Variants in SHOC2 observed in about 807,000 individuals in gnomAD.
SHOC2 encodes the protein SHOC2 leucine rich repeat scaffold protein, also known as leucine-rich repeat protein SHOC-2.
In SHOC2, 4 loss-of-function variants were observed where a neutral mutation model predicts 50.2. That is an observed-to-expected ratio of 0.08 (90% CI 0.04 to 0.18). The LOEUF (loss-of-function observed/expected upper bound fraction) is 0.18. Among genes scored for constraint, SHOC2 ranks in the 10% least tolerant of loss-of-function variants. The pLI is 1.00. For synonymous variants in SHOC2, 218 were observed against 244.5 expected, an observed-to-expected ratio of 0.89 and a Z score of 1.01; for missense variants, 388 against 669.6, an observed-to-expected ratio of 0.58 and a Z score of 4.64.
At chr10:111,006,802 T>C (rs572733781) in intron 5 of SHOC2, among the ~76,000 whole-genome samples, 12 of 152,330 alleles carry the variant, frequency 7.9e-5, no homozygotes, top group African/African-American at 2.6e-4. Flanking sequence ...CCTCTCCCAA[T>C]ACCAATACCC....
chr10:110,998,445 G>A (rs1848309192), intron 3 of SHOC2, among the ~76,000 whole-genome samples: 1 of 152,018 alleles, frequency 6.6e-6, no homozygotes, highest in Non-Finnish European at 1.5e-5. Context: ...CACTGATGAA[G>A]TCACTAAGTG....
chr10:110,924,247 G>GT (rs1276177252), intron 1 of SHOC2, among the ~76,000 whole-genome samples: 1 of 152,186 alleles, frequency 6.6e-6, no homozygotes, highest in Non-Finnish European at 1.5e-5. Context: ...TAAGTTCAGA[G>GT]TTTGTTGCAT....
In SHOC2 at chr10:110,932,729, C is replaced by G. The variant is rs573947458; in HGVS notation, c.-235+13072C>G. Among the ~76,000 whole-genome samples, 45 of 152,298 alleles carry G rather than the reference C, an allele frequency of 3.0e-4. No homozygotes were observed. In the East Asian group the frequency reaches 7.3e-3, roughly 25 times the overall value. ...GCCTTCCCTTTGTGCTTCAACAGCA[C>G]TTACTCGACTTTTTTCTTGCTTTAC... On this transcript the variant is annotated intron_variant, in intron 1 of 8. Transcript: ENST00000369452.
intron 1 of SHOC2, among the ~76,000 whole-genome samples, chr10:110,947,974 A>T (rs1453844065): frequency 6.6e-6 from 1 of 152,184 alleles, no homozygotes; most frequent in Non-Finnish European, 1.5e-5. Flanking sequence ...TATTATGCCT[A>T]AAAGAGATTC....
At chr10:110,932,618 C>A (rs74813760) in intron 1 of SHOC2, among the ~76,000 whole-genome samples, 3,670 of 152,248 alleles carry the variant, frequency 0.024, 152 homozygotes, top group African/African-American at 0.085. Flanking sequence ...AGCCCCCTTT[C>A]ACCTTTTTTG....
At chr10:110,989,085 G>C in intron 3 of SHOC2, 1 of 485,224 alleles carries the variant, frequency 2.1e-6, no homozygotes, top group Non-Finnish European at 4.0e-6. Flanking sequence ...TACCTCCATT[G>C]TGGTCAAGAA....
Position 110,965,079 on chromosome 10 carries a change from A to G in SHOC2, c.703+18A>G, listed in dbSNP as rs1847647939. On this transcript the variant is annotated intron_variant, in intron 2 of 8. Coordinates refer to ENST00000369452, the MANE Select transcript of SHOC2 (RefSeq NM_007373.4). ...TGAAATTGGTAAGAGGCCTTGGATT[A>G]TTATTATTTGTAGTATTTGTTATGC... 6.2e-7 allele frequency: 1 copy of G among 1,602,912 alleles called. No homozygotes were observed.
At chr10:110,941,277 A>G (rs1188602069) in intron 1 of SHOC2, among the ~76,000 whole-genome samples, 2 of 151,398 alleles carry the variant, frequency 1.3e-5, no homozygotes, top group African/African-American at 2.4e-5. Flanking sequence ...TTCTTCCGTG[A>G]AATGTCTGCC....
chr10:111,005,644 C>A (rs146648060), intron 5 of SHOC2, among the ~76,000 whole-genome samples: 1 of 152,072 alleles, frequency 6.6e-6, no homozygotes, highest in African/African-American at 2.4e-5. Context: ...TATGGGTGAA[C>A]GTTAGTTTCC....
At chr10:110,969,600 T>G (rs186773844) in intron 2 of SHOC2, among the ~76,000 whole-genome samples, 34 of 152,324 alleles carry the variant, frequency 2.2e-4, no homozygotes, top group African/African-American at 7.9e-4. Context: ...TCCTGTGATT[T>G]CTTTTCTCTC....
intron 2 of SHOC2, among the ~76,000 whole-genome samples, chr10:110,984,722 A>G (rs1848045379): frequency 1.3e-5 from 2 of 152,194 alleles, no homozygotes; most frequent in Non-Finnish European, 2.9e-5. Flanking sequence ...GCCAATACAG[A>G]GCTTTCAACC....
intron 1 of SHOC2, among the ~76,000 whole-genome samples, chr10:110,939,594 G>T (rs1386317654): frequency 6.6e-6 from 1 of 152,190 alleles, no homozygotes; most frequent in Admixed American, 6.5e-5. Context: ...ATGTTAGATT[G>T]ATGTTAGATT....
At chr10:110,931,607 T>G (rs1179189758) in intron 1 of SHOC2, among the ~76,000 whole-genome samples, 1 of 152,162 alleles carries the variant, frequency 6.6e-6, no homozygotes, top group Non-Finnish European at 1.5e-5. Flanking sequence ...GACCTGGAGT[T>G]AATTTTAAGT....
intron 1 of SHOC2, among the ~76,000 whole-genome samples, chr10:110,932,898 A>C (rs1846922290): frequency 6.6e-6 from 1 of 152,194 alleles, no homozygotes; most frequent in African/African-American, 2.4e-5. Flanking sequence ...TATTTATAAA[A>C]ATTTAAATGT....
chr10:110,972,082 T>C (rs1189249734), intron 2 of SHOC2, among the ~76,000 whole-genome samples: 1 of 151,384 alleles, frequency 6.6e-6, no homozygotes, highest in Non-Finnish European at 1.5e-5. Context: ...GGAAATTTAA[T>C]AAAGCTCAGT....
chr10:110,971,267 A>G (rs1296950448), intron 2 of SHOC2, among the ~76,000 whole-genome samples: 1 of 152,016 alleles, frequency 6.6e-6, no homozygotes, highest in African/African-American at 2.4e-5. Flanking sequence ...TCTTCTGCAT[A>G]TATATATATC....
At chr10:111,005,914 A>AAT (rs567539485) in intron 5 of SHOC2, among the ~76,000 whole-genome samples, 255 of 152,306 alleles carry the variant, frequency 1.7e-3, no homozygotes, top group African/African-American at 5.8e-3. Context: ...CTTGCTCATA[A>AAT]ATATGGTGTG....
intron 1 of SHOC2, among the ~76,000 whole-genome samples, chr10:110,929,069 G>T (rs1846836737): frequency 6.6e-6 from 1 of 152,138 alleles, no homozygotes; most frequent in African/African-American, 2.4e-5. Context: ...CCTGTGCCAA[G>T]ATCTTGAAGA....
At chr10:110,929,950 C>CAT (rs1282550157) in intron 1 of SHOC2, among the ~76,000 whole-genome samples, 1 of 152,126 alleles carries the variant, frequency 6.6e-6, no homozygotes, top group Non-Finnish European at 1.5e-5. Context: ...TATATTAAAA[C>CAT]ATATAAGAGC....
Sources: gnomAD v4.1 joint callset for allele counts (sites outside exome capture counted in the v4.1 genomes callset) on GRCh38, gnomAD v4.1.1 for gene constraint, MANE v1.5 for transcripts, NCBI Gene and HGNC (gene_info 2026-07-23, HGNC 2026-07-21) for gene names.